Variants in N4BP2L1 observed in about 807,000 individuals in gnomAD.
N4BP2L1 encodes NEDD4 binding protein 2 like 1.
Under a neutral mutation model 21.2 loss-of-function variants are expected in N4BP2L1, and 12 were observed. The ratio of observed to expected loss-of-function variants is 0.57; its 90% CI spans 0.36 to 0.92. The LOEUF (loss-of-function observed/expected upper bound fraction) is 0.92. N4BP2L1 is among the 40% of genes least tolerant of loss of function. The pLI, the probability that N4BP2L1 is intolerant of heterozygous loss-of-function variation, is 0.01. For synonymous variants in N4BP2L1, 104 were observed against 112.8 expected, an observed-to-expected ratio of 0.92 and a Z score of 0.49; for missense variants, 259 against 310.6, an observed-to-expected ratio of 0.83 and a Z score of 1.25.
chr13:32,417,273 C>G (rs539393159), intron 1 of N4BP2L1, among the ~76,000 whole-genome samples: 1 of 152,240 alleles, frequency 6.6e-6, no homozygotes, highest in East Asian at 1.9e-4. Flanking sequence ...TCCCATAATC[C>G]CCATGTGTCA....
In N4BP2L1 at chr13:32,402,258, C is replaced by T. The variant is rs943979831; in HGVS notation, c.*684G>A. 4.7e-5 allele frequency: 38 copies of T among 812,190 alleles called. No individual in the cohort carries two copies. In the Admixed American group the frequency reaches 1.6e-3, roughly 35 times the overall value. The allele number at this position is 812,190 out of a possible 1,614,324, so 50.3% of individuals were successfully genotyped here. A position where few individuals can be genotyped will look rare whatever the true frequency, so the allele number is the denominator to read the frequency against. ...TGAATAAAGTAGTAAAAACACAAGG[C>T]GTGACTTTAAATAATGACACTGATT... On this transcript the variant is annotated 3_prime_UTR_variant, in exon 5 of 5. Transcript: ENST00000380130.
chr13:32,414,444 T>G (rs2074021971), intron 1 of N4BP2L1, among the ~76,000 whole-genome samples: 1 of 152,230 alleles, frequency 6.6e-6, no homozygotes, highest in Non-Finnish European at 1.5e-5. Flanking sequence ...CGTCCTTTGG[T>G]GAATAAAGCC....
intron 1 of N4BP2L1, among the ~76,000 whole-genome samples, chr13:32,412,137 T>C (rs867954732): frequency 3.2e-4 from 49 of 152,138 alleles, no homozygotes; most frequent in African/African-American, 1.2e-3. Flanking sequence ...ATTTATCCTA[T>C]AGTTTGCCCT....
chr13:32,412,140 T>C (rs1378977357), intron 1 of N4BP2L1, among the ~76,000 whole-genome samples: 1 of 152,064 alleles, frequency 6.6e-6, no homozygotes, highest in Non-Finnish European at 1.5e-5. Context: ...TATCCTATAG[T>C]TTGCCCTCTC....
At chr13:32,406,003 C>T (rs12859094) in intron 3 of N4BP2L1, among the ~76,000 whole-genome samples, 3 of 149,810 alleles carry the variant, frequency 2.0e-5, no homozygotes, top group South Asian at 4.2e-4. Context: ...CCCGGGTTCA[C>T]GCCATTCTCC....
intron 1 of N4BP2L1, among the ~76,000 whole-genome samples, chr13:32,409,721 C>T (rs990388888): frequency 6.6e-6 from 1 of 152,040 alleles, no homozygotes; most frequent in African/African-American, 2.4e-5. Context: ...GCAAGTTTGA[C>T]TTGGTCCCTG....
intron 1 of N4BP2L1, among the ~76,000 whole-genome samples, chr13:32,422,988 TAAAG>T (rs56252213): frequency 0.26 from 39,494 of 151,928 alleles, 5,520 homozygotes; most frequent in South Asian, 0.4. Context: ...CCTGGCCTCA[TAAAG>T]AAACACACCA....
intron 1 of N4BP2L1, among the ~76,000 whole-genome samples, chr13:32,421,003 T>G (rs2074445764): frequency 6.6e-6 from 1 of 152,220 alleles, no homozygotes; most frequent in Admixed American, 6.5e-5. Flanking sequence ...GCCTCATTCT[T>G]TTACATTTCT....
chr13:32,404,479 A>G, intron 3 of N4BP2L1, 82 bp from the exon 4 acceptor site: 1 of 960,250 alleles, frequency 1.0e-6, no homozygotes. Context: ...AACATTTACT[A>G]CAAATCTTTT....
At chr13:32,419,907 T>C (rs2074380560) in intron 1 of N4BP2L1, among the ~76,000 whole-genome samples, 1 of 152,222 alleles carries the variant, frequency 6.6e-6, no homozygotes, top group South Asian at 2.1e-4. Context: ...ACAGATTCCA[T>C]GGCTCAGCAG....
At chr13:32,428,233 G>A, upstream of N4BP2L1, 3 of 706,660 alleles carry the variant, frequency 4.2e-6, no homozygotes, top group Non-Finnish European at 6.1e-6. Context: ...CGCCGGAACC[G>A]TGCTGCGTGG....
At chr13:32,429,036 G>A (rs2074928388), upstream of N4BP2L1, among the ~76,000 whole-genome samples, 1 of 152,014 alleles carries the variant, frequency 6.6e-6, no homozygotes, top group African/African-American at 2.4e-5. Context: ...ATTCAAAACT[G>A]ACACCATCCT....
chr13:32,428,157 T>G (rs1195769438), upstream of N4BP2L1: 9 of 1,354,106 alleles, frequency 6.6e-6, no homozygotes, highest in South Asian at 2.0e-5. Flanking sequence ...CTGTTGTTTT[T>G]GTGACTCTCC....
rs1258979851 is a variant in N4BP2L1, at chr13:32,404,384, T to C, written c.410A>G (p.Asn137Ser). 4.3e-6 allele frequency: 7 copies of C among 1,612,400 alleles called. No homozygotes were observed. The highest frequency in any genetic ancestry group is 5.1e-6 in the Non-Finnish European group (6 of 1,179,488). ...KPYAVMALENNYEVIFREPDT... is the reference protein window; with the variant it reads ...KPYAVMALENSYEVIFREPDT... ...AGGTTCTCGGAATATAACTTCATAG[T>C]TATTTTCAAGTGCCTGATTTTTCAA... The change falls in exon 4 of 5, where the codon AAC becomes AGC. Residue 137 changes from asparagine to serine, a missense_variant. Physicochemically the swap from Asn to Ser is conservative, Grantham distance 46 (BLOSUM62 1). Coordinates refer to ENST00000380130, the MANE Select transcript of N4BP2L1 (RefSeq NM_052818.3).
At chr13:32,419,648 G>A (rs917870423) in intron 1 of N4BP2L1, among the ~76,000 whole-genome samples, 1 of 151,992 alleles carries the variant, frequency 6.6e-6, no homozygotes. Flanking sequence ...AGAAGGACAT[G>A]TTTGCTTCCC....
intron 1 of N4BP2L1, among the ~76,000 whole-genome samples, chr13:32,427,201 G>A (rs1043133904): frequency 1.3e-4 from 20 of 152,372 alleles, no homozygotes; most frequent in African/African-American, 4.6e-4. Flanking sequence ...GGCTCTGTCA[G>A]TGACGGTCGG....
intron 1 of N4BP2L1, among the ~76,000 whole-genome samples, chr13:32,423,769 G>T (rs985521689): frequency 9.2e-5 from 14 of 152,216 alleles, no homozygotes; most frequent in Admixed American, 9.2e-4. Context: ...AGGTTACCCG[G>T]GGTCGGGGGA....
chr13:32,412,132 T>A (rs997643093), intron 1 of N4BP2L1, among the ~76,000 whole-genome samples: 3 of 152,044 alleles, frequency 2.0e-5, no homozygotes, highest in African/African-American at 7.3e-5. Context: ...GTCTCATTTA[T>A]CCTATAGTTT....
At chr13:32,424,559 A>G (rs959217947) in intron 1 of N4BP2L1, among the ~76,000 whole-genome samples, 13 of 152,204 alleles carry the variant, frequency 8.5e-5, no homozygotes, top group African/African-American at 3.1e-4. Flanking sequence ...AGGTCTTATA[A>G]GTACTCAGTG....
Sources: gnomAD v4.1 joint callset for allele counts (sites outside exome capture counted in the v4.1 genomes callset) on GRCh38, gnomAD v4.1.1 for gene constraint, MANE v1.5 for transcripts, NCBI Gene and HGNC (gene_info 2026-07-23, HGNC 2026-07-21) for gene names.